Variants in NIPBL observed in about 807,000 individuals in gnomAD.
NIPBL encodes nipped-B-like protein.
In NIPBL, 19 loss-of-function variants were observed where a neutral mutation model predicts 321.8. The ratio of observed to expected loss-of-function variants is 0.06; its 90% confidence interval spans 0.04 to 0.09. NIPBL has a LOEUF of 0.09. Among genes scored for constraint, NIPBL ranks in the 10% least tolerant of loss-of-function variants. The pLI, the probability that NIPBL is intolerant of heterozygous loss-of-function variation, is 1.00. For synonymous variants in NIPBL, 1,106 were observed against 1,114.1 expected (o/e 0.99, Z 0.14); for missense variants, 2,210 against 3,327.0 (o/e 0.66, Z 8.26).
chr5:36,885,312 A>G (rs775079477), intron 1 of NIPBL: 104 of 492,104 alleles, frequency 2.1e-4, no homozygotes, highest in Admixed American at 8.0e-4. Flanking sequence ...GCCAGCGTCT[A>G]TGCAGGCGCC....
intron 45 of NIPBL, among the ~76,000 whole-genome samples, 188 bp from the exon 46 acceptor site, chr5:37,063,602 T>A (rs551959253): frequency 2.0e-4 from 31 of 152,342 alleles, no homozygotes; most frequent in African/African-American, 7.5e-4. Flanking sequence ...ACAGACTATT[T>A]GACCTTCAAA....
At chr5:36,902,037 T>C (rs1442901719) in intron 1 of NIPBL, among the ~76,000 whole-genome samples, 2 of 152,204 alleles carry the variant, frequency 1.3e-5, no homozygotes, top group Non-Finnish European at 2.9e-5. Flanking sequence ...GATATGCTTA[T>C]TGGCGGTATG....
chr5:37,014,026 C>T (rs299400), intron 21 of NIPBL, among the ~76,000 whole-genome samples: 4,688 of 152,316 alleles, frequency 0.031, 225 homozygotes, highest in African/African-American at 0.11. Flanking sequence ...GCCAACACAG[C>T]GAAACCCCGT....
chr5:36,970,327 A>G (rs1313795361), intron 6 of NIPBL, among the ~76,000 whole-genome samples: 3 of 151,848 alleles, frequency 2.0e-5, no homozygotes, highest in Non-Finnish European at 4.4e-5. Flanking sequence ...TTGAGGTTAC[A>G]GTGAGCTATG....
intron 20 of NIPBL, among the ~76,000 whole-genome samples, chr5:37,009,747 T>C (rs577292293): frequency 8.5e-5 from 13 of 152,338 alleles, no homozygotes; most frequent in African/African-American, 2.9e-4. Context: ...GCAAAATATA[T>C]GGGCATTTGG....
Position 36,986,193 on chromosome 5 carries a change from C to T in NIPBL, c.3013C>T (p.Leu1005=). Residue 1005 remains leucine (L), a synonymous_variant, in exon 10 of 47, where the codon CTA becomes TTA. Transcript: ENST00000282516. The part of the protein sequence containing the change: ...LNKGAKPVVV[L]QKLSLDDVQK... ...TAAAGGAGCTAAGCCTGTAGTTGTG[C>T]TACAAAAACTGTCTTTGGATGATGT... The T allele has an allele frequency of 6.2e-7, 1 of 1,607,578 alleles. No homozygotes were observed. Among genetic ancestry groups the T allele is most frequent in the Non-Finnish European group, 8.5e-7 (1 of 1,177,896 alleles).
intron 46 of NIPBL, 143 bp from the exon 47 acceptor site, chr5:37,064,384 G>A (rs1476993844): frequency 7.2e-6 from 11 of 1,524,288 alleles, no homozygotes; most frequent in South Asian, 1.2e-5. Flanking sequence ...TGGCGGTCAC[G>A]GTGCGTCTCA....
intron 1 of NIPBL, among the ~76,000 whole-genome samples, chr5:36,894,587 T>C (rs1239873776): frequency 2.0e-5 from 3 of 152,188 alleles, no homozygotes; most frequent in Non-Finnish European, 2.9e-5. Flanking sequence ...AACATTTACC[T>C]CCTTTTTTAT....
At chr5:36,952,072 GC>G (rs1561070480) in intron 1 of NIPBL, among the ~76,000 whole-genome samples, 6 of 136,632 alleles carry the variant, frequency 4.4e-5, no homozygotes, top group African/African-American at 1.6e-4. Context: ...GCGCGCGCGC[GC>G]ATGTGTGTGT....
intron 21 of NIPBL, among the ~76,000 whole-genome samples, chr5:37,011,695 T>G (rs1321761447): frequency 6.6e-6 from 1 of 152,238 alleles, no homozygotes; most frequent in African/African-American, 2.4e-5. Context: ...ATATGTTTCT[T>G]TCTTTCTTTT....
chr5:36,947,592 C>A (rs1315122289), intron 1 of NIPBL, among the ~76,000 whole-genome samples: 1 of 151,936 alleles, frequency 6.6e-6, no homozygotes, highest in Non-Finnish European at 1.5e-5. Flanking sequence ...GCACCTAGCT[C>A]AGTATACTTC....
At chr5:37,020,437 A>T in intron 25 of NIPBL, 22 bp from the exon 26 acceptor site, 1 of 1,514,926 alleles carries the variant, frequency 6.6e-7, no homozygotes, top group Non-Finnish European at 9.2e-7. Flanking sequence ...ATCAAGCTCA[A>T]GTCTGTCTAA....
chr5:37,049,041 A>C, intron 39 of NIPBL, 70 bp from the exon 40 acceptor site: 1 of 1,529,804 alleles, frequency 6.5e-7, no homozygotes, highest in Non-Finnish European at 9.1e-7. Context: ...TTATGGCCTA[A>C]TTTTGAAATA....
chr5:36,912,410 C>T (rs1006671524), intron 1 of NIPBL, among the ~76,000 whole-genome samples: 2 of 151,872 alleles, frequency 1.3e-5, no homozygotes, highest in African/African-American at 2.4e-5. Context: ...ATATAAGACT[C>T]AGGTTTATGG....
chr5:36,929,836 C>CT (rs2149570509), intron 1 of NIPBL, among the ~76,000 whole-genome samples: 1 of 152,110 alleles, frequency 6.6e-6, no homozygotes, highest in Admixed American at 6.5e-5. Flanking sequence ...GTTGACAAGA[C>CT]TGTCTTTTAT....
At chr5:36,937,680 C>A (rs559340684) in intron 1 of NIPBL, among the ~76,000 whole-genome samples, 1 of 152,130 alleles carries the variant, frequency 6.6e-6, no homozygotes, top group African/African-American at 2.4e-5. Context: ...TGAAATTACT[C>A]TCAGATTTCT....
rs539757321 is a variant in NIPBL, at chr5:36,980,409, C to G, written c.1495+4007C>G. On this transcript the variant is annotated intron_variant, in intron 9 of 46. Coordinates refer to ENST00000282516, the MANE Select transcript of NIPBL (RefSeq NM_133433.4). ...AACTTGTTTCCTGAAAGCCACTTTCCTCTTATTTCGTGGATTTATAGTCAC... is the reference window on the plus strand; with the variant it reads ...AACTTGTTTCCTGAAAGCCACTTTCGTCTTATTTCGTGGATTTATAGTCAC... Among the ~76,000 whole-genome samples the G allele has an allele frequency of 3.3e-5, 5 of 151,744 alleles. No individual in the cohort carries two copies. The South Asian group carries it at 8.3e-4, about 25-fold the overall frequency.
At chr5:36,918,965 G>T (rs1447183907) in intron 1 of NIPBL, among the ~76,000 whole-genome samples, 1 of 152,102 alleles carries the variant, frequency 6.6e-6, no homozygotes, top group African/African-American at 2.4e-5. Context: ...ATGTCCATCA[G>T]GGGTATTGGT....
chr5:37,049,382 A>G, intron 40 of NIPBL, 81 bp downstream of exon 40: 2 of 1,448,562 alleles, frequency 1.4e-6, no homozygotes, highest in Non-Finnish European at 1.9e-6. Flanking sequence ...ATAGAGAATA[A>G]GTAGTTCTTC....
Sources: gnomAD v4.1 joint callset for allele counts (sites outside exome capture counted in the v4.1 genomes callset) on GRCh38, gnomAD v4.1.1 for gene constraint, MANE v1.5 for transcripts, NCBI Gene and HGNC (gene_info 2026-07-23, HGNC 2026-07-21) for gene names.